CSMD3: variants seen among roughly 807,000 people sequenced by gnomAD.
CSMD3 encodes the protein CUB and sushi domain-containing protein 3.
A neutral mutation model predicts 435.2 loss-of-function variants in CSMD3; 177 were observed. That is an observed-to-expected ratio of 0.41 (90% confidence interval 0.36 to 0.46). The LOEUF is 0.46. Among genes scored for constraint, CSMD3 ranks in the 20% least tolerant of loss-of-function variants. The pLI, the probability that CSMD3 is intolerant of heterozygous loss-of-function variation, is 0.34. For missense variants in CSMD3, 4,265 were observed against 4,504.6 expected (o/e 0.95, Z 1.52); for synonymous variants, 1,656 against 1,520.5 (o/e 1.09, Z -2.07).
intron 27 of CSMD3, among the ~76,000 whole-genome samples, chr8:112,535,780 G>C (rs912452064): frequency 5.3e-5 from 8 of 152,106 alleles, no homozygotes; most frequent in South Asian, 2.1e-4. Context: ...TATACTACAA[G>C]GCTACAGTGA....
intron 57 of CSMD3, among the ~76,000 whole-genome samples, chr8:112,288,282 T>G (rs1819416606): frequency 6.8e-6 from 1 of 148,136 alleles, no homozygotes; most frequent in African/African-American, 2.5e-5. Flanking sequence ...GGGCGGGGGG[T>G]GAGTCTGTGT....
intron 23 of CSMD3, among the ~76,000 whole-genome samples, chr8:112,573,947 A>C (rs1829736840): frequency 6.6e-6 from 1 of 151,920 alleles, no homozygotes; most frequent in African/African-American, 2.4e-5. Context: ...AGACAATTTA[A>C]AATTAAGAAT....
At chr8:112,498,724 CTTTCTTTCT>C (rs1821629510) in intron 30 of CSMD3, among the ~76,000 whole-genome samples, 2 of 152,114 alleles carry the variant, frequency 1.3e-5, no homozygotes, top group African/African-American at 4.8e-5. Context: ...TTTCTTTCTT[CTTTCTTTCT>C]TTTCTTTCTT....
chr8:112,779,182 C>CAT (rs1554677471), intron 13 of CSMD3, among the ~76,000 whole-genome samples: 4 of 149,150 alleles, frequency 2.7e-5, no homozygotes, highest in African/African-American at 7.4e-5. Flanking sequence ...TGTGTGTTTG[C>CAT]GTGTGTGTGT....
chr8:113,107,371 T>C (rs893639625), intron 4 of CSMD3, among the ~76,000 whole-genome samples: 1 of 152,204 alleles, frequency 6.6e-6, no homozygotes, highest in Admixed American at 6.5e-5. Flanking sequence ...CCTCCAAAAG[T>C]GCTGGGATTA....
chr8:113,100,634 T>C (rs931382163), intron 4 of CSMD3, among the ~76,000 whole-genome samples: 4 of 152,128 alleles, frequency 2.6e-5, no homozygotes, highest in Admixed American at 1.3e-4. Context: ...GAGATTATAG[T>C]TCAAGTGTTC....
chr8:112,902,711 T>C (rs1297829439), intron 10 of CSMD3, among the ~76,000 whole-genome samples: 1 of 151,296 alleles, frequency 6.6e-6, no homozygotes, highest in East Asian at 2.0e-4. Context: ...TGGATTGTTG[T>C]CAATAATCTA....
intron 27 of CSMD3, among the ~76,000 whole-genome samples, chr8:112,531,114 C>A (rs1225863501): frequency 6.6e-6 from 1 of 152,082 alleles, no homozygotes; most frequent in African/African-American, 2.4e-5. Flanking sequence ...AGACATCTTC[C>A]ACTTGAGGGA....
At chr8:112,383,481 C>T in intron 37 of CSMD3, 86 bp downstream of exon 37, 1 of 758,470 alleles carries the variant, frequency 1.3e-6, no homozygotes, top group Non-Finnish European at 2.3e-6. Context: ...TTAAAACTAC[C>T]AAGTAAGAGT....
intron 32 of CSMD3, among the ~76,000 whole-genome samples, chr8:112,425,482 G>A (rs1054997192): frequency 6.6e-6 from 1 of 152,120 alleles, no homozygotes; most frequent in African/African-American, 2.4e-5. Context: ...AGTTTAATCT[G>A]TATTGTCTCA....
intron 6 of CSMD3, among the ~76,000 whole-genome samples, chr8:113,003,262 A>G (rs1190595633): frequency 1.3e-5 from 2 of 151,776 alleles, no homozygotes; most frequent in South Asian, 2.1e-4. Flanking sequence ...TAAATAAATA[A>G]ATAGATAAAT....
chr8:112,885,687 T>C (rs185237857), intron 10 of CSMD3, among the ~76,000 whole-genome samples: 6 of 151,916 alleles, frequency 3.9e-5, no homozygotes, highest in Admixed American at 3.9e-4. Flanking sequence ...TGTTTGTTTG[T>C]TTACTGCTTT....
chr8:112,408,669 A>T (rs905079119), intron 33 of CSMD3, among the ~76,000 whole-genome samples: 3 of 152,020 alleles, frequency 2.0e-5, no homozygotes, highest in African/African-American at 7.2e-5. Flanking sequence ...TTTATATTAC[A>T]TTAAACACCA....
At chr8:112,952,819 C>T (rs2083872632) in intron 8 of CSMD3, among the ~76,000 whole-genome samples, 1 of 151,302 alleles carries the variant, frequency 6.6e-6, no homozygotes, top group South Asian at 2.1e-4. Context: ...CTCATATTAG[C>T]TTTTTGCCTA....
chr8:112,352,181 C>T (rs1040966159), intron 39 of CSMD3, among the ~76,000 whole-genome samples: 17 of 152,030 alleles, frequency 1.1e-4, no homozygotes, highest in African/African-American at 3.9e-4. Context: ...AAGGACTTCC[C>T]TAACTTTCCT....
chr8:112,938,201 T>C (rs1587715377), intron 9 of CSMD3, among the ~76,000 whole-genome samples: 1 of 152,142 alleles, frequency 6.6e-6, no homozygotes, highest in East Asian at 1.9e-4. Flanking sequence ...CCACCATCAC[T>C]CACCAATGGG....
chr8:113,139,717 A>G (rs985890731), intron 4 of CSMD3, among the ~76,000 whole-genome samples: 1 of 151,234 alleles, frequency 6.6e-6, no homozygotes, highest in African/African-American at 2.4e-5. Flanking sequence ...TCAAAATTAC[A>G]TTAAATATAA....
chr8:113,214,045 G>C (rs577177361), intron 3 of CSMD3, among the ~76,000 whole-genome samples: 67 of 152,058 alleles, frequency 4.4e-4, no homozygotes, highest in African/African-American at 1.5e-3. Flanking sequence ...ATGCTGTGAA[G>C]ATAAATGGTT....
At chr8:112,996,275 T>A (rs2085649956) in intron 6 of CSMD3, among the ~76,000 whole-genome samples, 1 of 151,606 alleles carries the variant, frequency 6.6e-6, no homozygotes, top group Admixed American at 6.6e-5. Context: ...CCCTAGCCCC[T>A]GGTAACCACC....
Sources: gnomAD v4.1 joint callset for allele counts (sites outside exome capture counted in the v4.1 genomes callset) on GRCh38, gnomAD v4.1.1 for gene constraint, MANE v1.5 for transcripts, NCBI Gene and HGNC (gene_info 2026-07-23, HGNC 2026-07-21) for gene names.